Variants in SYNPO observed in about 807,000 individuals in gnomAD.
SYNPO encodes the protein synaptopodin.
A neutral mutation model predicts 49.5 loss-of-function variants in SYNPO; 19 were observed. The observed-to-expected ratio is 0.38, with a 90% CI of 0.27 to 0.56. SYNPO has a LOEUF of 0.56. SYNPO is among the 20% of genes least tolerant of loss of function. SYNPO has a pLI of 0.68. For synonymous variants in SYNPO, 536 were observed against 548.0 expected, an observed-to-expected ratio of 0.98 and a Z score of 0.31; for missense variants, 1,131 against 1,248.3, an observed-to-expected ratio of 0.91 and a Z score of 1.42.
chr5:150,648,234 C>G lies in SYNPO; in HGVS notation c.-42C>G. The G allele has an allele frequency of 6.2e-7, 1 of 1,612,720 alleles. No individual in the cohort carries two copies. Among genetic ancestry groups the G allele is most frequent in the Non-Finnish European group, 8.5e-7 (1 of 1,179,368 alleles). On this transcript the variant is annotated 5_prime_UTR_variant, in exon 2 of 3. Coordinates refer to ENST00000307662, the MANE Select transcript of SYNPO (RefSeq NM_007286.6). The surrounding 1 kb of genome is among the most constrained non-coding windows in gnomAD (Gnocchi z 5.0). ...GCCGGAGCCAGGCCCTCCACGGCAC[C>G]CCAGTCCCCAGAGCCCCGACAGAGG...
intron 1 of SYNPO, among the ~76,000 whole-genome samples, chr5:150,603,235 G>A (rs1282542499): frequency 6.6e-6 from 1 of 152,250 alleles, no homozygotes; most frequent in Non-Finnish European, 1.5e-5. Flanking sequence ...ACCAGGATGG[G>A]TGGGTAGGCG....
rs545426746 is a variant in SYNPO at position 150,649,315 on chromosome 5, C to T, written c.1040C>T (p.Ser347Phe). 6.2e-7 allele frequency: 1 copy of T among 1,614,224 alleles called. No homozygotes were observed. Among genetic ancestry groups the T allele is most frequent in the African/African-American group, 1.3e-5 (1 of 75,052 alleles). Residue 347 changes from serine to phenylalanine, a missense_variant, in exon 2 of 3, where the codon TCC (serine) becomes TTC (phenylalanine). Transcript: ENST00000307662. Reference sequence around the variant, plus strand: ...TCATATTCTGTCCTGTATCCCAGCTCCGACCCCAAGTCTTCTCATCTGAAG... The same window carrying T: ...TCATATTCTGTCCTGTATCCCAGCTTCGACCCCAAGTCTTCTCATCTGAAG... ...PPSYSVLYPS[S>F]DPKSSHLKGQ...
chr5:150,641,133 G>A (rs916650924), intron 1 of SYNPO, among the ~76,000 whole-genome samples: 4 of 152,290 alleles, frequency 2.6e-5, no homozygotes, highest in East Asian at 1.9e-4. Context: ...GTCAGATTGC[G>A]CTCGCCATGA....
In SYNPO at chr5:150,657,270, C is replaced by A; in HGVS notation, c.*183C>A. The A allele has an allele frequency of 3.0e-6, 2 of 665,586 alleles. No individual in the cohort carries two copies. The highest frequency in any genetic ancestry group is 5.0e-6 in the Non-Finnish European group (2 of 399,934). 41.2% of individuals were successfully genotyped at this position (665,586 alleles called of 1,614,324 possible). On this transcript the variant is annotated 3_prime_UTR_variant, in exon 3 of 3. Coordinates refer to ENST00000307662, the MANE Select transcript of SYNPO (RefSeq NM_007286.6). The stretch of plus-strand genomic sequence containing the variant: ...AGTTCTAGCCCTTGCTCTCATTCAG[C>A]TGTTGTGTGACCCTGGGTAAGACCC...
At chr5:150,603,766 C>G (rs1756615015) in intron 1 of SYNPO, among the ~76,000 whole-genome samples, 1 of 152,214 alleles carries the variant, frequency 6.6e-6, no homozygotes, top group Admixed American at 6.5e-5. Flanking sequence ...ATCCCTGACC[C>G]TGACATGCAG....
intron 1 of SYNPO, 85 bp from the exon 2 acceptor site, chr5:150,647,859 G>A (rs144420166): frequency 1.0e-5 from 13 of 1,260,702 alleles, no homozygotes; most frequent in South Asian, 2.9e-5. Context: ...GGGCCGAGGC[G>A]ACCATCTCTG....
rs1352773723 is a variant in SYNPO, at chr5:150,649,595, C to T, written c.1320C>T (p.Ala440=). 4 of 1,610,158 alleles carry T rather than the reference C, an allele frequency of 2.5e-6. No homozygotes were observed. The highest frequency in any genetic ancestry group is 2.5e-6 in the Non-Finnish European group (3 of 1,178,988). ...FQQEPAPRDR[A]SPAAAEEVVP... The stretch of plus-strand genomic sequence containing the variant: ...AGGAGCCAGCACCTCGTGACAGGGC[C>T]AGCCCCGCGGCGGCGGAGGAGGTGG... Residue 440 remains alanine (A), a synonymous_variant, in exon 2 of 3, where the codon GCC becomes GCT. Coordinates refer to ENST00000307662, the MANE Select transcript of SYNPO (RefSeq NM_007286.6).
the SYNPO span, among the ~76,000 whole-genome samples, chr5:150,595,228 G>A: frequency 1.3e-5 from 2 of 152,196 alleles, no homozygotes; most frequent in African/African-American, 2.4e-5. Context: ...ATCTTAGATC[G>A]TAGACATTTA....
chr5:150,592,240 A>G, the SYNPO span, among the ~76,000 whole-genome samples: 1 of 152,234 alleles, frequency 6.6e-6, no homozygotes. Flanking sequence ...TTTCAGATAA[A>G]CAATGAATAA....
chr5:150,614,405 C>T (rs1756929479), intron 1 of SYNPO, among the ~76,000 whole-genome samples: 1 of 152,152 alleles, frequency 6.6e-6, no homozygotes. Flanking sequence ...ACCTGACGCT[C>T]AGCCGGTCCT....
chr5:150,594,107 T>G, the SYNPO span, among the ~76,000 whole-genome samples: 1 of 152,136 alleles, frequency 6.6e-6, no homozygotes, highest in Non-Finnish European at 1.5e-5. Context: ...GTGTGTTAGC[T>G]CCCACCCTGC....
At chr5:150,589,780 A>G in the SYNPO span, among the ~76,000 whole-genome samples, 1 of 152,222 alleles carries the variant, frequency 6.6e-6, no homozygotes, top group Non-Finnish European at 1.5e-5. Flanking sequence ...GAGATGGACT[A>G]AAGTATCTTC....
chr5:150,640,956 A>G, intron 1 of SYNPO, 102 bp downstream of exon 1: 1 of 620,680 alleles, frequency 1.6e-6, no homozygotes, highest in Non-Finnish European at 2.0e-6. Flanking sequence ...CTGGGCATCA[A>G]GGGAGAGGTA....
At chr5:150,617,547 C>G (rs1007287207) in intron 1 of SYNPO, 1 of 152,234 alleles carries the variant, frequency 6.6e-6, no homozygotes, top group Non-Finnish European at 1.5e-5. Flanking sequence ...CCACCCGCCT[C>G]GGCCTGCCAA....
chr5:150,652,886 C>A (rs1430098418), intron 2 of SYNPO: 1 of 152,194 alleles, frequency 6.6e-6, no homozygotes, highest in African/African-American at 2.4e-5. Context: ...GTTCTAGCCC[C>A]AGGTCTGCAT....
At position 150,647,952 on chromosome 5, in the gene SYNPO, C is replaced by G. The variant is rs1186943561; in HGVS notation, c.-324C>G. 3 of 1,551,412 alleles carry G rather than the reference C, an allele frequency of 1.9e-6. No homozygotes were observed. The highest frequency in any genetic ancestry group is 1.7e-6 in the Non-Finnish European group (2 of 1,146,766). On this transcript the variant is annotated 5_prime_UTR_variant, in exon 2 of 3. Transcript: ENST00000307662. ...TTTGTCCCTCCCTGTAGCGTTGGGC[C>G]GGAGCACTAGCCTCACGGAGAAGGA... is the stretch of plus-strand genomic sequence containing the variant.
At chr5:150,623,222 C>G (rs1042675971) in intron 2 of SYNPO, among the ~76,000 whole-genome samples, 4 of 152,224 alleles carry the variant, frequency 2.6e-5, no homozygotes, top group African/African-American at 9.6e-5. Context: ...CCTTTTGCTA[C>G]ACACCTACAC....
In SYNPO at chr5:150,649,841, C is replaced by A. The variant is rs1343857794; in HGVS notation, c.1566C>A (p.Pro522=). The A allele has an allele frequency of 6.2e-7, 1 of 1,608,982 alleles. No individual in the cohort carries two copies. The highest frequency in any genetic ancestry group is 1.3e-5 in the African/African-American group (1 of 74,936). ...TMSLPSSWKY[P]TNAPGAFRVA... is the part of the protein sequence containing the mutation. ...CCCTGCCTTCCTCCTGGAAATACCC[C>A]ACTAACGCCCCCGGGGCCTTCCGAG... is the stretch of plus-strand genomic sequence containing the variant. Residue 522 remains proline, a synonymous_variant, in exon 2 of 3, where the codon CCC becomes CCA. Coordinates refer to ENST00000307662, the MANE Select transcript of SYNPO (RefSeq NM_007286.6).
intron 2 of SYNPO, among the ~76,000 whole-genome samples, chr5:150,628,634 TGTG>T (rs772036085): frequency 2.0e-5 from 3 of 152,128 alleles, no homozygotes; most frequent in Non-Finnish European, 4.4e-5. Context: ...AGCGGTCAGG[TGTG>T]GTGGCTCACG....
Sources: gnomAD v4.1 joint callset for allele counts (sites outside exome capture counted in the v4.1 genomes callset) on GRCh38, gnomAD v4.1.1 for gene constraint, Gnocchi (gnomAD v3.1) non-coding constraint, MANE v1.5 for transcripts, NCBI Gene and HGNC (gene_info 2026-07-23, HGNC 2026-07-21) for gene names.